TEKTIP1: variants seen among roughly 807,000 people sequenced by gnomAD.
TEKTIP1 encodes tektin bundle interacting protein 1.
chr19:3,541,818 G>A, the TEKTIP1 span: 1 of 983,134 alleles, frequency 1.0e-6, no homozygotes, highest in Admixed American at 6.2e-5. Flanking sequence ...GTGCTGTTTT[G>A]TTTGTGTTGA....
the TEKTIP1 span, chr19:3,539,202 G>T: frequency 1.2e-5 from 19 of 1,550,612 alleles, no homozygotes; most frequent in East Asian, 3.2e-4. Context: ...GCAAGAGGCT[G>T]CACGGCCCTG....
At chr19:3,542,230 G>A in the TEKTIP1 span, 4 of 985,228 alleles carry the variant, frequency 4.1e-6, no homozygotes, top group South Asian at 4.7e-5. Context: ...GTCTATGTGG[G>A]GTCCCTCAAA....
chr19:3,543,309 C>A, the TEKTIP1 span: 1 of 1,549,258 alleles, frequency 6.5e-7, no homozygotes, highest in Middle Eastern at 1.8e-4. Context: ...AAGTACACGC[C>A]CATGGGACGG....
At chr19:3,541,557 A>G in the TEKTIP1 span, 18 of 552,348 alleles carry the variant, frequency 3.3e-5, 1 homozygote, top group Admixed American at 6.9e-5. Flanking sequence ...TCCTGACCTC[A>G]TGATCCGCCT....
At chr19:3,539,391 ACGTCCCCTC>A in the TEKTIP1 span, 1 of 624,526 alleles carries the variant, frequency 1.6e-6, no homozygotes. Context: ...CATGTGTGTG[ACGTCCCCTC>A]CAGCTCTTCC....
At chr19:3,540,993 ACC>A in the TEKTIP1 span, among the ~76,000 whole-genome samples, 2 of 150,986 alleles carry the variant, frequency 1.3e-5, no homozygotes, top group Non-Finnish European at 2.9e-5. Flanking sequence ...AGGTAGTGAA[ACC>A]CCATCTGTAC....
the TEKTIP1 span, chr19:3,539,661 T>C: frequency 5.0e-6 from 1 of 198,772 alleles, no homozygotes. Context: ...CCCCGGTCTC[T>C]GCTTCTGTCT....
the TEKTIP1 span, chr19:3,543,825 A>C: frequency 6.6e-7 from 1 of 1,523,016 alleles, no homozygotes; most frequent in Non-Finnish European, 8.9e-7. Flanking sequence ...AGTCCCACCT[A>C]CAGTGCTCAA....
the TEKTIP1 span, chr19:3,543,320 G>A: frequency 5.8e-6 from 9 of 1,549,320 alleles, no homozygotes; most frequent in Non-Finnish European, 7.8e-6. Context: ...CATGGGACGG[G>A]ACGCAGCCGG....
At chr19:3,539,477 T>C in the TEKTIP1 span, 15 of 549,970 alleles carry the variant, frequency 2.7e-5, no homozygotes, top group African/African-American at 1.9e-4. Context: ...CAAGAACAAA[T>C]GTGTCTGCGG....
chr19:3,543,480 GCCCCC>G, the TEKTIP1 span: 198 of 1,338,738 alleles, frequency 1.5e-4, 3 homozygotes, highest in African/African-American at 3.0e-3. Context: ...TCGGGTGAGT[GCCCCC>G]CCCCCCGCCC....
At chr19:3,541,584 G>C in the TEKTIP1 span, 1 of 906,180 alleles carries the variant, frequency 1.1e-6, no homozygotes, top group Admixed American at 6.2e-5. Context: ...GCCTCCCACA[G>C]TGCTGGGATT....
the TEKTIP1 span, chr19:3,543,760 A>C: frequency 2.0e-6 from 3 of 1,490,472 alleles, no homozygotes; most frequent in South Asian, 4.0e-5. Flanking sequence ...GCCCGGGGCG[A>C]TCCAGGAGCC....
At chr19:3,541,034 T>C in the TEKTIP1 span, among the ~76,000 whole-genome samples, 1 of 150,536 alleles carries the variant, frequency 6.6e-6, no homozygotes, top group Non-Finnish European at 1.5e-5. Context: ...CTGGTTGTGG[T>C]GGCGGGCGCC....
At chr19:3,542,218 G>A in the TEKTIP1 span, 36 of 985,262 alleles carry the variant, frequency 3.7e-5, no homozygotes, top group East Asian at 1.1e-4. Flanking sequence ...TGGAAAAGCC[G>A]AGTCTATGTG....
At chr19:3,542,392 G>C in the TEKTIP1 span, 1 of 985,314 alleles carries the variant, frequency 1.0e-6, no homozygotes, top group Non-Finnish European at 1.2e-6. Context: ...ACTGTCTTGG[G>C]GCCAGCAACC....
chr19:3,543,573 G>T, the TEKTIP1 span: 1 of 1,539,554 alleles, frequency 6.5e-7, no homozygotes. Context: ...CAGCACCTGC[G>T]GGAGACCGCC....
chr19:3,542,807 G>A, the TEKTIP1 span: 4 of 1,371,948 alleles, frequency 2.9e-6, no homozygotes, highest in Non-Finnish European at 3.9e-6. Context: ...TCTTCCCTGG[G>A]CCATGGCTTA....
the TEKTIP1 span, chr19:3,543,441 G>A: frequency 2.6e-6 from 4 of 1,544,064 alleles, no homozygotes; most frequent in Non-Finnish European, 3.5e-6. Flanking sequence ...TGGCACAGCT[G>A]CTACCAACAC....
Sources: allele counts gnomAD v4.1 joint callset (sites outside exome capture counted in the v4.1 genomes callset), GRCh38; gene constraint gnomAD v4.1.1; transcripts MANE v1.5; gene names NCBI Gene and HGNC (gene_info 2026-07-23, HGNC 2026-07-21).